Variants in TNNI3K observed in about 807,000 individuals in gnomAD.
TNNI3K encodes the protein serine/threonine-protein kinase TNNI3K.
A neutral mutation model predicts 114.5 loss-of-function variants in TNNI3K; 140 were observed. That is an observed-to-expected ratio of 1.22 (90% CI 1.07 to 1.41). The LOEUF (loss-of-function observed/expected upper bound fraction) is 1.41, where lower values mean the gene tolerates loss of function less well. Ranked by LOEUF, TNNI3K falls within the 40% of genes most tolerant of loss-of-function variation. TNNI3K has a pLI of 0.00. For synonymous variants in TNNI3K, 347 were observed against 347.5 expected, an observed-to-expected ratio of 1.00 and a Z score of 0.02; for missense variants, 1,125 against 1,007.6, an observed-to-expected ratio of 1.12 and a Z score of -1.58.
chr1:74,471,429 T>G, intron 21 of TNNI3K: 1 of 400,740 alleles, frequency 2.5e-6, no homozygotes. Flanking sequence ...AGGATTTTTC[T>G]GGATGGACTC....
At chr1:74,315,184 G>A (rs1202087201) in intron 5 of TNNI3K, among the ~76,000 whole-genome samples, 1 of 152,150 alleles carries the variant, frequency 6.6e-6, no homozygotes, top group Non-Finnish European at 1.5e-5. Context: ...CATAATGAAA[G>A]AGAGCTTATA....
chr1:74,434,487 C>T (rs2100659524), intron 17 of TNNI3K, among the ~76,000 whole-genome samples: 2 of 152,018 alleles, frequency 1.3e-5, no homozygotes, highest in South Asian at 4.1e-4. Flanking sequence ...ATGATAAAGT[C>T]TCAGCACATA....
chr1:74,406,022 A>C (rs1664595717), intron 17 of TNNI3K, among the ~76,000 whole-genome samples: 1 of 152,200 alleles, frequency 6.6e-6, no homozygotes, highest in African/African-American at 2.4e-5. Context: ...GGGCTAATTT[A>C]TTTGCTCTGG....
chr1:74,258,782 A>G (rs1238119075), intron 4 of TNNI3K, among the ~76,000 whole-genome samples: 2 of 152,126 alleles, frequency 1.3e-5, no homozygotes, highest in Non-Finnish European at 2.9e-5. Flanking sequence ...TGCCTGTTCA[A>G]CCCTAATGGT....
chr1:74,492,601 G>A (rs1222638611), intron 23 of TNNI3K, among the ~76,000 whole-genome samples: 1 of 152,160 alleles, frequency 6.6e-6, no homozygotes, highest in Non-Finnish European at 1.5e-5. Flanking sequence ...AAACAGCTTT[G>A]AGGATCTGAG....
intron 4 of TNNI3K, among the ~76,000 whole-genome samples, chr1:74,255,456 T>C (rs1371201050): frequency 6.6e-6 from 1 of 152,180 alleles, no homozygotes. Context: ...ATGGAGTTGT[T>C]CACTCTGGTT....
chr1:74,334,013 A>C (rs1660345591), intron 6 of TNNI3K, among the ~76,000 whole-genome samples: 1 of 152,220 alleles, frequency 6.6e-6, no homozygotes, highest in African/African-American at 2.4e-5. Flanking sequence ...ACATGCTCCA[A>C]GTTGGGGCTA....
chr1:74,495,048 G>T (rs184613686), intron 23 of TNNI3K, among the ~76,000 whole-genome samples: 40 of 152,278 alleles, frequency 2.6e-4, no homozygotes, highest in Non-Finnish European at 5.3e-4. Context: ...AAACCTACAT[G>T]CTGGGTGAAA....
chr1:74,278,664 A>G (rs1656824277), intron 5 of TNNI3K, among the ~76,000 whole-genome samples: 1 of 152,162 alleles, frequency 6.6e-6, no homozygotes, highest in Non-Finnish European at 1.5e-5. Flanking sequence ...AATGGTTTTT[A>G]GTATAGTTGC....
In TNNI3K at chr1:74,348,871, G is replaced by A. The variant is rs551045908; in HGVS notation, c.933-4395G>A. ...TGTATCCTGAGACTTTGCTGAAGTT[G>A]CTTATCAGCTTAAGGAGATTTTGGG... On this transcript the variant is annotated intron_variant, in intron 9 of 24. Coordinates refer to ENST00000326637, the MANE Select transcript of TNNI3K (RefSeq NM_015978.3). Among the ~76,000 whole-genome samples the A allele has an allele frequency of 9.3e-4, 142 of 152,264 alleles. 1 individual carries two copies. The highest frequency in any genetic ancestry group is 3.3e-3 in the African/African-American group (137 of 41,552).
chr1:74,480,150 T>C (rs1668409154), intron 21 of TNNI3K: 2 of 713,932 alleles, frequency 2.8e-6, no homozygotes, highest in South Asian at 3.0e-5. Context: ...CTCCCCGGCA[T>C]ACCTGCGAAG....
intron 4 of TNNI3K, among the ~76,000 whole-genome samples, chr1:74,256,283 C>CTTTTTTTTTTTTTTT (rs61636791): frequency 4.2e-4 from 18 of 42,800 alleles, no homozygotes; most frequent in African/African-American, 5.9e-4. Context: ...TGTGGTCAGT[C>CTTTTTTTTTTTTTTT]TTTTTTTTTT....
chr1:74,504,769 T>A (rs192561881), intron 23 of TNNI3K, among the ~76,000 whole-genome samples: 2 of 152,232 alleles, frequency 1.3e-5, no homozygotes, highest in East Asian at 3.9e-4. Flanking sequence ...TCACCGTGGC[T>A]ATTCTGATGC....
rs199808254 is a variant in TNNI3K at position 74,343,212 on chromosome 1, A to C, written c.932+33A>C. ...AATATTTAAGTGCAATAGCCACTAA[A>C]CTTAGCTGACACTCTAAAGCACCTG... On this transcript the variant is annotated intron_variant, in intron 9 of 24. Coordinates refer to ENST00000326637, the MANE Select transcript of TNNI3K (RefSeq NM_015978.3). The C allele has an allele frequency of 9.3e-5, 146 of 1,577,446 alleles. 1 individual carries two copies. The East Asian group carries it at 3.3e-3, about 36-fold the overall frequency.
chr1:74,362,771 C>G (rs1402536991), intron 11 of TNNI3K, among the ~76,000 whole-genome samples: 1 of 151,730 alleles, frequency 6.6e-6, no homozygotes, highest in Non-Finnish European at 1.5e-5. Context: ...AGAAATCACA[C>G]CAAATATAAG....
chr1:74,261,825 A>G (rs1655693677), intron 4 of TNNI3K, among the ~76,000 whole-genome samples: 1 of 152,154 alleles, frequency 6.6e-6, no homozygotes, highest in African/African-American at 2.4e-5. Flanking sequence ...CATTTATCCC[A>G]TCCTATATAT....
At chr1:74,526,739 T>C (rs1474596675) in intron 23 of TNNI3K, among the ~76,000 whole-genome samples, 1 of 152,210 alleles carries the variant, frequency 6.6e-6, no homozygotes, top group Non-Finnish European at 1.5e-5. Context: ...AGATCCTACA[T>C]TCACTGAGAT....
At chr1:74,353,396 G>A in intron 10 of TNNI3K, 36 bp downstream of exon 10, 1 of 1,605,658 alleles carries the variant, frequency 6.2e-7, no homozygotes, top group South Asian at 1.1e-5. Context: ...AGTTCTATAT[G>A]CTTATCAATG....
rs1669108160 is a variant in TNNI3K, at chr1:74,492,094, C to G, written c.2182-3C>G. The G allele has an allele frequency of 6.4e-7, 1 of 1,552,800 alleles. No homozygotes were observed. Among genetic ancestry groups the G allele is most frequent in the East Asian group, 2.3e-5 (1 of 44,060 alleles). On this transcript the variant is annotated splice_polypyrimidine_tract_variant and splice_region_variant and intron_variant, in intron 22 of 24. Transcript: ENST00000326637. ...CAATTGAAATTGCCCCTCCTCCACT[C>G]AGCTGATGTCTCCTGCATCAAGTAA... is the stretch of plus-strand genomic sequence containing the variant.
Sources: allele counts gnomAD v4.1 joint callset (sites outside exome capture counted in the v4.1 genomes callset), GRCh38; gene constraint gnomAD v4.1.1; transcripts MANE v1.5; gene names NCBI Gene and HGNC (gene_info 2026-07-23, HGNC 2026-07-21).